The following EPHA3 variants were observed in gnomAD, a reference collection of about 807,000 sequenced individuals.
EPHA3 encodes the protein ephrin type-A receptor 3.
In EPHA3, 42 loss-of-function variants were observed where a neutral mutation model predicts 107.1. That is an observed-to-expected ratio of 0.39 (90% CI 0.31 to 0.51). The LOEUF (loss-of-function observed/expected upper bound fraction) is 0.51. Among genes scored for constraint, EPHA3 ranks in the 20% least tolerant of loss-of-function variants. The pLI, the probability that EPHA3 is intolerant of heterozygous loss-of-function variation, is 0.78. For missense variants in EPHA3, 1,183 were observed against 1,211.2 expected (o/e 0.98, Z 0.35); for synonymous variants, 461 against 424.8 (o/e 1.09, Z -1.05).
Position 89,402,615 on chromosome 3 carries a change from T to TA in EPHA3, c.1594+3141dup, listed in dbSNP as rs200790877. ...CTTATTTGTTATATATTGATTTTTT[T>TA]AAAAAATAGACATAAGACTTCTGTT... On this transcript the variant is annotated intron_variant, in intron 7 of 16. Coordinates refer to ENST00000336596, the MANE Select transcript of EPHA3 (RefSeq NM_005233.6). 7.6e-3 allele frequency among the ~76,000 whole-genome samples: 1,151 copies of TA among 152,264 alleles called. 16 individuals carry two copies. The highest frequency in any genetic ancestry group is 0.027 in the African/African-American group (1,103 of 41,560).
At chr3:89,429,603 A>C (rs73137395) in intron 12 of EPHA3, among the ~76,000 whole-genome samples, 34,289 of 152,060 alleles carry the variant, frequency 0.23, 4,147 homozygotes, top group Non-Finnish European at 0.25. Flanking sequence ...CTATAATGCT[A>C]AAGTATATAT....
At chr3:89,333,818 G>C (rs1707341753) in intron 3 of EPHA3, among the ~76,000 whole-genome samples, 1 of 151,896 alleles carries the variant, frequency 6.6e-6, no homozygotes, top group South Asian at 2.1e-4. Context: ...CTTGCAGCAA[G>C]CCAAGATCAC....
Position 89,158,777 on chromosome 3 carries a change from G to A in EPHA3, c.153+31504G>A, listed in dbSNP as rs535478444. On this transcript the variant is annotated intron_variant, in intron 2 of 16. Transcript: ENST00000336596. ...TGCTAAGGAGCATTCTTAATAAACAGTGCCAAAAGAGTACTGGATCAAGCT... is the reference window on the plus strand; with the variant it reads ...TGCTAAGGAGCATTCTTAATAAACAATGCCAAAAGAGTACTGGATCAAGCT... Among the ~76,000 whole-genome samples the A allele has an allele frequency of 2.0e-5, 3 of 152,188 alleles. No homozygotes were observed. In the East Asian group the frequency reaches 5.8e-4, roughly 29 times the overall value.
intron 5 of EPHA3, among the ~76,000 whole-genome samples, chr3:89,359,944 A>C (rs1708057792): frequency 6.7e-6 from 1 of 149,588 alleles, no homozygotes; most frequent in African/African-American, 2.4e-5. Context: ...ACTGTACTGT[A>C]CTGTACTGGG....
intron 15 of EPHA3, among the ~76,000 whole-genome samples, chr3:89,459,951 AC>A (rs1389775696): frequency 2.0e-5 from 3 of 152,232 alleles, no homozygotes; most frequent in African/African-American, 7.2e-5. Flanking sequence ...AGAGAAATAC[AC>A]ATTTATTTTT....
intron 5 of EPHA3, among the ~76,000 whole-genome samples, chr3:89,383,639 C>CCTTTTTTTTT (rs1708553469): frequency 1.1e-5 from 1 of 87,962 alleles, no homozygotes. Flanking sequence ...ACTTCTTCTT[C>CCTTTTTTTTT]TTTTTTTTTT....
intron 3 of EPHA3, among the ~76,000 whole-genome samples, chr3:89,273,060 A>G (rs1015318870): frequency 3.6e-4 from 55 of 152,042 alleles, no homozygotes; most frequent in African/African-American, 1.2e-3. Context: ...CCAAAAATAC[A>G]TTTGGTTTGA....
intron 16 of EPHA3, among the ~76,000 whole-genome samples, chr3:89,475,037 A>G (rs1046225511): frequency 1.3e-5 from 2 of 152,148 alleles, no homozygotes; most frequent in Non-Finnish European, 2.9e-5. Flanking sequence ...GGGACAATAT[A>G]GGATTAACAC....
chr3:89,213,569 C>T (rs1302114182), intron 3 of EPHA3, among the ~76,000 whole-genome samples: 1 of 151,868 alleles, frequency 6.6e-6, no homozygotes, highest in Non-Finnish European at 1.5e-5. Context: ...GTTAGAATAA[C>T]GAATAGATGA....
chr3:89,214,984 A>G (rs1010326837), intron 3 of EPHA3, among the ~76,000 whole-genome samples: 1 of 151,938 alleles, frequency 6.6e-6, no homozygotes, highest in Admixed American at 6.6e-5. Flanking sequence ...TCCTTCTATA[A>G]AAGACGAGTT....
At position 89,419,193 on chromosome 3, in the gene EPHA3, G is replaced by A. The variant is rs774976159; in HGVS notation, c.1889-12G>A. The stretch of plus-strand genomic sequence containing the variant: ...ATTCCTTACATTTTGTTGCTGTTCT[G>A]CTTTATAACAGGTGAATTTGGAGAG... On this transcript the variant is annotated splice_polypyrimidine_tract_variant and intron_variant, in intron 10 of 16. Coordinates refer to ENST00000336596, the MANE Select transcript of EPHA3 (RefSeq NM_005233.6). The A allele has an allele frequency of 6.3e-7, 1 of 1,585,672 alleles. No individual in the cohort carries two copies. Among genetic ancestry groups the A allele is most frequent in the Non-Finnish European group, 8.6e-7 (1 of 1,168,212 alleles).
chr3:89,189,244 A>G (rs1283883602), intron 2 of EPHA3, among the ~76,000 whole-genome samples: 1 of 152,216 alleles, frequency 6.6e-6, no homozygotes, highest in East Asian at 1.9e-4. Flanking sequence ...TTAAAGTCCA[A>G]ACCTTCATTT....
intron 3 of EPHA3, among the ~76,000 whole-genome samples, chr3:89,338,443 C>T (rs914506543): frequency 2.0e-5 from 3 of 152,208 alleles, no homozygotes; most frequent in African/African-American, 7.2e-5. Flanking sequence ...GCCCGCTGCC[C>T]ATTTTCTATT....
chr3:89,112,123 T>C (rs371494761), intron 1 of EPHA3, among the ~76,000 whole-genome samples: 2 of 152,096 alleles, frequency 1.3e-5, no homozygotes, highest in African/African-American at 4.8e-5. Flanking sequence ...ACGTGTTAGA[T>C]CATGGTTGTA....
rs185825614 is a variant in EPHA3, at chr3:89,329,591, C to A, written c.815-11325C>A. Among the ~76,000 whole-genome samples the A allele has an allele frequency of 4.1e-4, 62 of 151,984 alleles. No homozygotes were observed. The South Asian group carries it at 0.011, about 28-fold the overall frequency. On this transcript the variant is annotated intron_variant, in intron 3 of 16. Transcript: ENST00000336596. ...CTTAAATGGATTTAATCATTGTATT[C>A]CTTTTATTGCAATTCATCTTCCAAG...
At chr3:89,278,471 G>A (rs181722954) in intron 3 of EPHA3, among the ~76,000 whole-genome samples, 76 of 152,214 alleles carry the variant, frequency 5.0e-4, no homozygotes, top group African/African-American at 1.7e-3. Context: ...AGTGTCTGCC[G>A]TTGCTAAACA....
intron 2 of EPHA3, among the ~76,000 whole-genome samples, chr3:89,173,972 C>CA (rs1705263453): frequency 6.6e-6 from 1 of 151,868 alleles, no homozygotes; most frequent in African/African-American, 2.4e-5. Context: ...TCCCAAATCA[C>CA]ACGTGTGTCT....
Position 89,360,611 on chromosome 3 carries a change from A to T in EPHA3, c.1306+18521A>T, listed in dbSNP as rs186302689. On this transcript the variant is annotated intron_variant, in intron 5 of 16. Coordinates refer to ENST00000336596, the MANE Select transcript of EPHA3 (RefSeq NM_005233.6). ...CAAGAATCTCACCACTTCTTACAAG[A>T]TCCATTGCTACCACCCTAGTAGCAT... Among the ~76,000 whole-genome samples, 8 of 151,112 alleles carry T rather than the reference A, an allele frequency of 5.3e-5. 1 individual carries two copies. The highest frequency in any genetic ancestry group is 2.0e-4 in the Admixed American group (3 of 15,056).
intron 3 of EPHA3, among the ~76,000 whole-genome samples, chr3:89,264,037 T>A (rs1446728129): frequency 6.6e-6 from 1 of 152,050 alleles, no homozygotes; most frequent in African/African-American, 2.4e-5. Flanking sequence ...AGCCCAACAT[T>A]CCCAAAAGTC....
Sources: gnomAD v4.1 joint callset for allele counts (sites outside exome capture counted in the v4.1 genomes callset) on GRCh38, gnomAD v4.1.1 for gene constraint, MANE v1.5 for transcripts, NCBI Gene and HGNC (gene_info 2026-07-23, HGNC 2026-07-21) for gene names.